The following TEK variants were observed in gnomAD, a reference collection of about 807,000 sequenced individuals.
TEK encodes angiopoietin-1 receptor.
A neutral mutation model predicts 131.8 loss-of-function variants in TEK; 43 were observed. The observed-to-expected ratio is 0.33, with a 90% CI of 0.26 to 0.42. TEK has a LOEUF of 0.42. TEK is among the 10% of genes least tolerant of loss of function. The pLI, the probability that TEK is intolerant of heterozygous loss-of-function variation, is 1.00. For missense variants in TEK, 1,162 were observed against 1,384.4 expected (o/e 0.84, Z 2.55); for synonymous variants, 580 against 491.6 (o/e 1.18, Z -2.38).
chr9:27,153,292 G>GA (rs11419521), intron 1 of TEK, among the ~76,000 whole-genome samples: 30,157 of 151,756 alleles, frequency 0.2, 3,291 homozygotes, highest in Admixed American at 0.24. Context: ...ACTAAAAATA[G>GA]AAAAAAAATT....
intron 6 of TEK, among the ~76,000 whole-genome samples, chr9:27,178,423 A>G (rs941689056): frequency 6.6e-6 from 1 of 152,060 alleles, no homozygotes; most frequent in Non-Finnish European, 1.5e-5. Flanking sequence ...TTCTTGCTCA[A>G]TATTGCTTTG....
At chr9:27,170,331 A>G (rs1823905587) in intron 4 of TEK, among the ~76,000 whole-genome samples, 1 of 152,096 alleles carries the variant, frequency 6.6e-6, no homozygotes, top group Non-Finnish European at 1.5e-5. Flanking sequence ...AGGACTCTTA[A>G]TAAACTGATG....
At chr9:27,122,687 G>A (rs548083691) in intron 1 of TEK, among the ~76,000 whole-genome samples, 11 of 151,988 alleles carry the variant, frequency 7.2e-5, no homozygotes, top group Admixed American at 2.6e-4. Flanking sequence ...GAGGTAATAC[G>A]GGTAGAGAAA....
intron 1 of TEK, among the ~76,000 whole-genome samples, chr9:27,155,858 G>T (rs1039407588): frequency 3.4e-5 from 5 of 147,358 alleles, no homozygotes; most frequent in African/African-American, 1.0e-4. Flanking sequence ...GCTCTTTGTC[G>T]CCCAGTCTGG....
intron 12 of TEK, among the ~76,000 whole-genome samples, chr9:27,200,118 A>G (rs553124611): frequency 6.6e-5 from 10 of 152,314 alleles, no homozygotes; most frequent in Admixed American, 5.9e-4. Context: ...AGTAGTCCCC[A>G]TGGTGAGTTG....
chr9:27,126,693 C>G (rs189666033), intron 1 of TEK, among the ~76,000 whole-genome samples: 1 of 152,318 alleles, frequency 6.6e-6, no homozygotes, highest in East Asian at 1.9e-4. Context: ...GCTCCACTAA[C>G]TGAAATGAGA....
intron 6 of TEK, among the ~76,000 whole-genome samples, chr9:27,175,839 G>GT (rs1824149805): frequency 6.6e-6 from 1 of 151,988 alleles, no homozygotes; most frequent in Non-Finnish European, 1.5e-5. Flanking sequence ...GGGGTTGTTT[G>GT]TTTTTTTCTT....
chr9:27,211,432 C>CTTT (rs138801213), intron 16 of TEK, among the ~76,000 whole-genome samples: 1 of 70,532 alleles, frequency 1.4e-5, no homozygotes, highest in Admixed American at 2.1e-4. Context: ...ATCTTTCAAG[C>CTTT]TTTTTTTTTT....
At chr9:27,196,221 G>A (rs1418713349) in intron 11 of TEK, among the ~76,000 whole-genome samples, 7 of 152,114 alleles carry the variant, frequency 4.6e-5, no homozygotes, top group Admixed American at 4.6e-4. Flanking sequence ...ATGCCTACAT[G>A]TACTTGAAGT....
rs1825933657 is a variant in TEK at position 27,218,947 on chromosome 9, G to C, written c.3103+130G>C. The C allele has an allele frequency of 5.5e-6, 5 of 915,732 alleles. No homozygotes were observed. The African/African-American group carries it at 6.5e-5, about 12-fold the overall frequency. The allele number at this position is 915,732 out of a possible 1,614,324, so 56.7% of individuals were successfully genotyped here. On this transcript the variant is annotated intron_variant, in intron 20 of 22. Coordinates refer to ENST00000380036, the MANE Select transcript of TEK (RefSeq NM_000459.5). ...TTCTACCAGATGTGACTTGGAAATA[G>C]AAACATAGTGTATTAATTCCCATAT...
At position 27,217,765 on chromosome 9, in the gene TEK, A is replaced by AAACTTCTT; in HGVS notation, c.3062+9_3062+16dup. 6.3e-7 allele frequency: 1 copy of AAACTTCTT among 1,590,540 alleles called. No individual in the cohort carries two copies. The highest frequency in any genetic ancestry group is 8.5e-7 in the Non-Finnish European group (1 of 1,173,572). On this transcript the variant is annotated splice_region_variant and intron_variant, in intron 19 of 22. Transcript: ENST00000380036. ...ACACAACCAACAGTGATGTGTGAGT[A>AAACTTCTT]AACTTCTTATTGCCAAGGGATTTTT...
Position 27,172,734 on chromosome 9 carries a change from G to A in TEK, c.747G>A (p.Arg249=). Residue 249 remains arginine (R), a synonymous_variant, in exon 5 of 23, where the codon AGG becomes AGA. Transcript: ENST00000380036. The part of the protein sequence containing the change: ...ECICPPGFMG[R]TCEKACELHT... ...TTTGCCCTCCTGGGTTTATGGGAAG[G>A]ACGTGTGAGAAGGGTAAGTAAAGAG... The A allele has an allele frequency of 6.2e-7, 1 of 1,613,628 alleles. No homozygotes were observed. Among genetic ancestry groups the A allele is most frequent in the South Asian group, 1.1e-5 (1 of 91,076 alleles).
At chr9:27,196,473 G>T (rs1315366558) in intron 11 of TEK, among the ~76,000 whole-genome samples, 1 of 152,172 alleles carries the variant, frequency 6.6e-6, no homozygotes, top group Non-Finnish European at 1.5e-5. Context: ...ACTCTTAAAA[G>T]GTGCCCTTTA....
In TEK at chr9:27,205,976, C is replaced by T. The variant is rs1168007706; in HGVS notation, c.2365-606C>T. Among the ~76,000 whole-genome samples, 8 of 151,028 alleles carry T rather than the reference C, an allele frequency of 5.3e-5. No individual in the cohort carries two copies. The East Asian group carries it at 1.2e-3, about 22-fold the overall frequency. On this transcript the variant is annotated intron_variant, in intron 14 of 22. Coordinates refer to ENST00000380036, the MANE Select transcript of TEK (RefSeq NM_000459.5). ...CAGCAAGGGGGTTGGGAGTGCTGAG[C>T]CTGTCAAAATACCGGTGCTTTTTCA... is the stretch of plus-strand genomic sequence containing the variant.
intron 8 of TEK, among the ~76,000 whole-genome samples, chr9:27,183,937 C>T (rs1824495953): frequency 6.6e-6 from 1 of 152,190 alleles, no homozygotes; most frequent in African/African-American, 2.4e-5. Context: ...AAGCTTTGCT[C>T]TCGCAGTGTC....
chr9:27,228,342 A>C (rs1190053632), intron 22 of TEK, 37 bp downstream of exon 22: 2 of 1,491,516 alleles, frequency 1.3e-6, no homozygotes, highest in African/African-American at 2.8e-5. Flanking sequence ...CTTTAATTGG[A>C]ATACCTGATG....
At chr9:27,206,845 T>G in intron 15 of TEK, 53 bp downstream of exon 15, 3 of 1,580,106 alleles carry the variant, frequency 1.9e-6, no homozygotes, top group Non-Finnish European at 2.6e-6. Context: ...GGAGAAAACT[T>G]GATTTCCTGC....
rs769174509 is a variant in TEK, at chr9:27,217,693, G to A, written c.2997G>A (p.Arg999=). The A allele has an allele frequency of 5.6e-6, 9 of 1,613,666 alleles. No homozygotes were observed. In the South Asian group the frequency reaches 7.7e-5, roughly 14 times the overall value. Residue 999 remains arginine, a synonymous_variant, in exon 19 of 23, where the codon AGG becomes AGA. Transcript: ENST00000380036. ...TCTCACTTTGTTCTCTCCAGGGAAGGCTCCCAGTGCGCTGGATGGCCATCG... is the reference window on the plus strand; with the variant it reads ...TCTCACTTTGTTCTCTCCAGGGAAGACTCCCAGTGCGCTGGATGGCCATCG... ...QEVYVKKTMG[R]LPVRWMAIES... is the part of the protein sequence containing the mutation.
At chr9:27,146,745 G>C (rs562459248) in intron 1 of TEK, among the ~76,000 whole-genome samples, 1 of 144,434 alleles carries the variant, frequency 6.9e-6, no homozygotes, top group African/African-American at 2.6e-5. Context: ...TTTTTTGGCG[G>C]GGGGGACGGA....
Sources: gnomAD v4.1 joint callset for allele counts (sites outside exome capture counted in the v4.1 genomes callset) on GRCh38, gnomAD v4.1.1 for gene constraint, MANE v1.5 for transcripts, NCBI Gene and HGNC (gene_info 2026-07-23, HGNC 2026-07-21) for gene names.